The following DIDO1 variants were observed in gnomAD, a reference collection of about 807,000 sequenced individuals.
DIDO1 encodes death inducer-obliterator 1.
Under a neutral mutation model 99.4 loss-of-function variants are expected in DIDO1, and 16 were observed. The ratio of observed to expected loss-of-function variants is 0.16; its 90% CI spans 0.11 to 0.24. The LOEUF is 0.24. Among genes scored for constraint, DIDO1 ranks in the 10% least tolerant of loss-of-function variants. The pLI is 1.00. For missense variants in DIDO1, 2,996 were observed against 3,014.0 expected (o/e 0.99, Z 0.14); for synonymous variants, 1,366 against 1,239.1 (o/e 1.10, Z -2.15).
intron 6 of DIDO1, among the ~76,000 whole-genome samples, chr20:62,899,049 T>C (rs894837178): frequency 6.6e-6 from 1 of 151,714 alleles, no homozygotes; most frequent in South Asian, 2.1e-4. Context: ...GGGGTGAGGA[T>C]GGAATGAAAA....
intron 1 of DIDO1, among the ~76,000 whole-genome samples, chr20:62,935,250 G>A (rs563968611): frequency 2.6e-4 from 40 of 152,226 alleles, no homozygotes; most frequent in Admixed American, 3.9e-4. Flanking sequence ...CTGACTGAAG[G>A]TCTCTTTCCA....
chr20:62,916,424 C>T (rs973786528), intron 1 of DIDO1, among the ~76,000 whole-genome samples: 3 of 152,254 alleles, frequency 2.0e-5, no homozygotes, highest in Admixed American at 2.0e-4. Flanking sequence ...GCTTGAATGG[C>T]GGCTCTCAAA....
chr20:62,887,105 AG>A (rs2064308918), intron 15 of DIDO1: 1 of 985,288 alleles, frequency 1.0e-6, no homozygotes, highest in Non-Finnish European at 1.2e-6. Flanking sequence ...TGGGCTGCAG[AG>A]CTGGGCACAC....
chr20:62,924,525 G>A (rs929094205), intron 1 of DIDO1, among the ~76,000 whole-genome samples: 1 of 152,132 alleles, frequency 6.6e-6, no homozygotes, highest in Non-Finnish European at 1.5e-5. Flanking sequence ...TGACCTTAAG[G>A]GAATTATGAC....
At chr20:62,910,460 G>A (rs993919285) in intron 3 of DIDO1, among the ~76,000 whole-genome samples, 6 of 152,284 alleles carry the variant, frequency 3.9e-5, no homozygotes, top group African/African-American at 7.2e-5. Flanking sequence ...GACAGACCCC[G>A]GAGTGACGGA....
rs749238149 is a variant in DIDO1 at position 62,896,271 on chromosome 20, G to A, written c.2176C>T (p.Arg726Cys). Residue 726 changes from arginine to cysteine, a missense_variant, in exon 8 of 16, where the codon CGC becomes TGC. Transcript: ENST00000395343. The surrounding 1 kb of genome is among the most constrained non-coding windows in gnomAD (Gnocchi z 4.4). ...VTDNRYKSKY[R>C]SIMFNLKDPK... ...TCCTTCAGGTTGAACATGATGCTGC[G>A]ATATTTACTCTTGTAGCGATTATCT... 4.2e-5 allele frequency: 68 copies of A among 1,613,526 alleles called. 1 individual carries two copies. Among genetic ancestry groups the A allele is most frequent in the Admixed American group, 1.2e-4 (7 of 59,832 alleles).
At chr20:62,901,639 T>C (rs2064684176) in intron 6 of DIDO1, among the ~76,000 whole-genome samples, 2 of 152,134 alleles carry the variant, frequency 1.3e-5, no homozygotes, top group African/African-American at 4.8e-5. Context: ...GCAGGTCAGT[T>C]GAGGATAAAG....
At chr20:62,892,344 A>G (rs1412428950) in intron 13 of DIDO1, among the ~76,000 whole-genome samples, 2 of 152,228 alleles carry the variant, frequency 1.3e-5, no homozygotes, top group African/African-American at 4.8e-5. Context: ...ACATACACAG[A>G]GAGTAACGAT....
chr20:62,906,246 G>T, intron 5 of DIDO1, 146 bp from the exon 6 acceptor site: 1 of 1,105,104 alleles, frequency 9.0e-7, no homozygotes, highest in Non-Finnish European at 1.3e-6. Context: ...CTTGGCAGCA[G>T]TTCAACACAC....
chr20:62,901,581 G>C (rs1290810715), intron 6 of DIDO1, among the ~76,000 whole-genome samples: 1 of 152,050 alleles, frequency 6.6e-6, no homozygotes, highest in Non-Finnish European at 1.5e-5. Flanking sequence ...AATCCCTCCA[G>C]TCCTAAAGGG....
Position 62,880,315 on chromosome 20 carries a change from T to C in DIDO1, c.5641A>G (p.Ser1881Gly), listed in dbSNP as rs1302800517. ...EGTEQAPFLG[S>G]RGGAPFQFGG... ...AACTGGAAAGGCGCGCCGCCTCTGCTTCCCAGAAATGGGGCTTGCTCTGTC... is the reference window on the plus strand; with the variant it reads ...AACTGGAAAGGCGCGCCGCCTCTGCCTCCCAGAAATGGGGCTTGCTCTGTC... Residue 1881 changes from serine (S) to glycine (G), a missense_variant, in exon 16 of 16, where the codon AGC becomes GGC. This residue lies in a region of DIDO1 where 1,562 missense variants were observed against 1,412.6 expected (regional missense o/e 1.11). Coordinates refer to ENST00000395343, the MANE Select transcript of DIDO1 (RefSeq NM_001193369.2). 1 of 1,612,804 alleles carries C rather than the reference T, an allele frequency of 6.2e-7. No homozygotes were observed. The highest frequency in any genetic ancestry group is 2.2e-5 in the East Asian group (1 of 44,860).
At chr20:62,908,558 C>T (rs530900509) in intron 4 of DIDO1, among the ~76,000 whole-genome samples, 1 of 152,226 alleles carries the variant, frequency 6.6e-6, no homozygotes, top group African/African-American at 2.4e-5. Flanking sequence ...TCAACACACA[C>T]GAACATGTCC....
At chr20:62,910,214 C>T (rs896540212) in intron 3 of DIDO1, among the ~76,000 whole-genome samples, 194 bp from the exon 4 acceptor site, 8 of 152,138 alleles carry the variant, frequency 5.3e-5, no homozygotes, top group Admixed American at 2.6e-4. Flanking sequence ...TTAAGAGTAG[C>T]GCATTTTAGG....
At chr20:62,887,925 G>T (rs1600919304) in intron 15 of DIDO1, 1 of 985,414 alleles carries the variant, frequency 1.0e-6, no homozygotes, top group Non-Finnish European at 1.2e-6. Context: ...GGGCAGAGGG[G>T]CAGAGGAAGA....
upstream of DIDO1, among the ~76,000 whole-genome samples, chr20:62,929,695 G>GTATATATATA (rs71195479): frequency 9.2e-5 from 9 of 97,964 alleles, 1 homozygote; most frequent in African/African-American, 4.1e-4. Context: ...AAGAAAAAGT[G>GTATATATATA]TATATATATA....
chr20:62,894,505 G>A lies in DIDO1; in HGVS notation c.2480C>T (p.Ala827Val), dbSNP rs533029215. The change falls in exon 11 of 16, where the codon GCG becomes GTG. Residue 827 changes from alanine to valine, a missense_variant. Ala to Val is a moderately conservative substitution (Grantham distance 64). Coordinates refer to ENST00000395343, the MANE Select transcript of DIDO1 (RefSeq NM_001193369.2). The surrounding 1 kb of genome is among the most constrained non-coding windows in gnomAD (Gnocchi z 4.4). ...GCTGCTGAAGACGTCGAGAAGCGGC[G>A]CTGTGCTCTTCTCAGGGACAGCACG... Reference protein sequence around the residue: ...SARAVPEKSTAPLLDVFSSML... With the variant: ...SARAVPEKSTVPLLDVFSSML... 1.1e-5 allele frequency: 18 copies of A among 1,613,092 alleles called. No homozygotes were observed. Among genetic ancestry groups the A allele is most frequent in the East Asian group, 1.1e-4 (5 of 44,892 alleles).
intron 6 of DIDO1, chr20:62,905,515 T>C (rs1568860860): frequency 2.2e-5 from 34 of 1,550,876 alleles, no homozygotes; most frequent in Non-Finnish European, 2.9e-5. Flanking sequence ...GAACAACTCA[T>C]GTGCAGACAG....
At chr20:62,910,149 G>C in intron 3 of DIDO1, 129 bp from the exon 4 acceptor site, 1 of 1,021,978 alleles carries the variant, frequency 9.8e-7, no homozygotes, top group Non-Finnish European at 1.4e-6. Flanking sequence ...GATTAAGAAC[G>C]TCCTCATGCC....
At chr20:62,907,950 TG>T (rs2064843492) in intron 4 of DIDO1, among the ~76,000 whole-genome samples, 1 of 152,170 alleles carries the variant, frequency 6.6e-6, no homozygotes, top group Admixed American at 6.5e-5. Context: ...AATTTTTCAG[TG>T]TAAGTATGCC....
Sources: allele counts gnomAD v4.1 joint callset (sites outside exome capture counted in the v4.1 genomes callset), GRCh38; gene constraint gnomAD v4.1.1; regional missense constraint gnomAD v4.1.1; non-coding constraint Gnocchi (gnomAD v3.1); transcripts MANE v1.5; gene names NCBI Gene and HGNC (gene_info 2026-07-23, HGNC 2026-07-21).